The following MCCC1 variants were observed in gnomAD, a reference collection of about 807,000 sequenced individuals.
MCCC1 encodes the protein methylcrotonoyl-CoA carboxylase subunit alpha, mitochondrial.
A neutral mutation model predicts 83.8 loss-of-function variants in MCCC1; 64 were observed. That is an observed-to-expected ratio of 0.76 (90% confidence interval 0.62 to 0.94). MCCC1 has a LOEUF of 0.94. MCCC1 is among the 40% of genes least tolerant of loss of function. MCCC1 has a pLI of 0.00. For missense variants in MCCC1, 807 were observed against 904.7 expected, an observed-to-expected ratio of 0.89 and a Z score of 1.39; for synonymous variants, 322 against 315.4, an observed-to-expected ratio of 1.02 and a Z score of -0.22.
At position 183,025,879 on chromosome 3, in the gene MCCC1, C is replaced by A. The variant is rs73068830; in HGVS notation, c.1682-75G>T. The A allele has an allele frequency of 9.4e-4, 1,237 of 1,317,668 alleles. 13 individuals carry two copies. In the African/African-American group the frequency reaches 0.016, roughly 17 times the overall value. 81.6% of individuals were successfully genotyped at this position (1,317,668 alleles called of 1,614,324 possible). A position where few individuals can be genotyped will look rare whatever the true frequency, so the allele number is the denominator to read the frequency against. On this transcript the variant is annotated intron_variant, in intron 14 of 18. Transcript: ENST00000265594. ...ATTTAATAACCGAGATATAAAGAAT[C>A]TCACTCTCAACCTAAAGACAACCAA...
intron 1 of MCCC1, chr3:183,098,883 T>TG (rs1718933749): frequency 5.1e-6 from 1 of 195,962 alleles, no homozygotes; most frequent in African/African-American, 2.3e-5. Context: ...GGACACCTGA[T>TG]GGGGCACAGC....
intron 7 of MCCC1, among the ~76,000 whole-genome samples, chr3:183,065,733 C>G (rs1224239417): frequency 6.6e-6 from 1 of 152,008 alleles, no homozygotes; most frequent in African/African-American, 2.4e-5. Flanking sequence ...AAAAATTAAT[C>G]TTGTAAAAGA....
intron 16 of MCCC1, 121 bp downstream of exon 16, chr3:183,022,296 A>G: frequency 8.5e-7 from 1 of 1,180,952 alleles, no homozygotes; most frequent in Non-Finnish European, 1.2e-6. Context: ...AAACTGAGGG[A>G]AAAAGGTCAC....
intron 11 of MCCC1, 49 bp from the exon 12 acceptor site, chr3:183,039,184 TA>T (rs1713868676): frequency 6.5e-7 from 1 of 1,527,300 alleles, no homozygotes; most frequent in Non-Finnish European, 9.1e-7. Context: ...CACGAAGGAA[TA>T]AAATACAACG....
intron 16 of MCCC1, 69 bp downstream of exon 16, chr3:183,022,348 G>T: frequency 6.4e-7 from 1 of 1,557,628 alleles, no homozygotes; most frequent in Non-Finnish European, 8.9e-7. Flanking sequence ...ATCTCTTTCA[G>T]TGGAATGTCT....
intron 18 of MCCC1, 149 bp downstream of exon 18, chr3:183,017,117 T>C: frequency 2.8e-6 from 2 of 720,472 alleles, no homozygotes; most frequent in Admixed American, 2.1e-5. Flanking sequence ...ACAAGAAGGA[T>C]AGTTTGGTTT....
At chr3:183,040,803 G>T (rs1281479661) in intron 11 of MCCC1, among the ~76,000 whole-genome samples, 1 of 152,124 alleles carries the variant, frequency 6.6e-6, no homozygotes, top group African/African-American at 2.4e-5. Flanking sequence ...TTACCCCTGA[G>T]AATTGCTATA....
chr3:183,031,270 G>T (rs1713044462), intron 14 of MCCC1, among the ~76,000 whole-genome samples: 1 of 152,144 alleles, frequency 6.6e-6, no homozygotes, highest in African/African-American at 2.4e-5. Flanking sequence ...AAATGCAAAT[G>T]AAACAATCTT....
In MCCC1 at chr3:183,041,614, G is replaced by T. The variant is rs748355823; in HGVS notation, c.1220C>A (p.Thr407Asn). 6.2e-6 allele frequency: 10 copies of T among 1,614,170 alleles called. No homozygotes were observed. In the East Asian group the frequency reaches 2.0e-4, roughly 32 times the overall value. ...CCTGGTGGAAGGGTCTGCTCGAGGA[G>T]TAGAGAGGTGCACTAATGGGCCTGC... ...PVAGPLVHLSTPRADPSTRIE... is the reference protein window; with the variant it reads ...PVAGPLVHLSNPRADPSTRIE... Residue 407 changes from threonine (T) to asparagine (N), a missense_variant, in exon 11 of 19, where the codon ACT becomes AAT. Thr to Asn is a moderately conservative substitution (Grantham distance 65, BLOSUM62 0). Transcript: ENST00000265594.
chr3:183,034,037 C>T lies in MCCC1; in HGVS notation c.1635G>A (p.Leu545=). ...SPFSSSSGRR[L]NISYTRNMTL... ...TCATGTTTCTGGTATACGAGATATT[C>T]AGTCTTCTTCCACTGCTAGACGAAA... Residue 545 remains leucine (L), a synonymous_variant, in exon 14 of 19, where the codon CTG becomes CTA. Transcript: ENST00000265594. 1 of 1,612,294 alleles carries T rather than the reference C, an allele frequency of 6.2e-7. No homozygotes were observed. The highest frequency in any genetic ancestry group is 1.3e-5 in the African/African-American group (1 of 74,974).
Position 183,091,573 on chromosome 3 carries a change from AAAAAC to A in MCCC1, c.273+831_273+835del, listed in dbSNP as rs540422401. 3.6e-3 allele frequency among the ~76,000 whole-genome samples: 550 copies of A among 151,966 alleles called. 2 individuals carry two copies. Among genetic ancestry groups the A allele is most frequent in the African/African-American group, 0.011 (459 of 41,322 alleles). Reference sequence around the variant, plus strand: ...ACAGAGTGAGACTCTTGTCAAAAACAAAAACAAAACAAAACAAAACAAAACAAAAA... The same window carrying A: ...ACAGAGTGAGACTCTTGTCAAAAACAAAAACAAAACAAAACAAAACAAAAA... On this transcript the variant is annotated intron_variant, in intron 3 of 18. Coordinates refer to ENST00000265594, the MANE Select transcript of MCCC1 (RefSeq NM_020166.5).
At chr3:183,085,630 T>TA (rs57408690) in intron 4 of MCCC1, among the ~76,000 whole-genome samples, 1,627 of 103,236 alleles carry the variant, frequency 0.016, 34 homozygotes, top group African/African-American at 0.056. Flanking sequence ...ACCCTGTCTT[T>TA]AAAAAAAAAA....
chr3:183,023,030 A>G lies in MCCC1; in HGVS notation c.1732-476T>C, dbSNP rs12634147. Among the ~76,000 whole-genome samples, 45 of 152,348 alleles carry G rather than the reference A, an allele frequency of 3.0e-4. No homozygotes were observed. In the East Asian group the frequency reaches 7.7e-3, roughly 26 times the overall value. ...TTAGATGATATTCTTTTATCTTATC[A>G]ACACGTAGGCCCAATCATGGGTTTC... On this transcript the variant is annotated intron_variant, in intron 15 of 18. Coordinates refer to ENST00000265594, the MANE Select transcript of MCCC1 (RefSeq NM_020166.5).
intron 13 of MCCC1, among the ~76,000 whole-genome samples, chr3:183,036,579 G>T (rs1044837603): frequency 1.7e-5 from 2 of 119,164 alleles, no homozygotes; most frequent in African/African-American, 3.1e-5. Flanking sequence ...TCGCCCTGTT[G>T]TCCAGGCTGG....
At chr3:183,079,128 G>A (rs906573830) in intron 4 of MCCC1, among the ~76,000 whole-genome samples, 8 of 152,052 alleles carry the variant, frequency 5.3e-5, no homozygotes, top group Non-Finnish European at 7.4e-5. Flanking sequence ...ATATCATTCC[G>A]CTCCTCATCC....
At chr3:183,100,939 G>A (rs886608131), upstream of MCCC1, among the ~76,000 whole-genome samples, 1 of 152,260 alleles carries the variant, frequency 6.6e-6, no homozygotes, top group African/African-American at 2.4e-5. Flanking sequence ...CGGCACTTGC[G>A]GGCCAGCTGG....
chr3:183,034,274 C>T (rs1374150646), intron 13 of MCCC1, among the ~76,000 whole-genome samples, 197 bp from the exon 14 acceptor site: 1 of 151,946 alleles, frequency 6.6e-6, no homozygotes, highest in Non-Finnish European at 1.5e-5. Flanking sequence ...CACGGTGAAA[C>T]CCCGTCTCTA....
intron 1 of MCCC1, among the ~76,000 whole-genome samples, chr3:183,105,059 T>C (rs989367975): frequency 6.6e-6 from 1 of 152,192 alleles, no homozygotes; most frequent in Non-Finnish European, 1.5e-5. Flanking sequence ...ATAATGTACA[T>C]GCAGGCCGGG....
chr3:183,059,376 A>T (rs962413685), intron 7 of MCCC1, among the ~76,000 whole-genome samples: 2 of 143,736 alleles, frequency 1.4e-5, no homozygotes, highest in Non-Finnish European at 2.9e-5. Context: ...GAATTTTCCA[A>T]CCTGTCCAAT....
Sources: allele counts gnomAD v4.1 joint callset (sites outside exome capture counted in the v4.1 genomes callset), GRCh38; gene constraint gnomAD v4.1.1; transcripts MANE v1.5; gene names NCBI Gene and HGNC (gene_info 2026-07-23, HGNC 2026-07-21).